Variants in ETV5 observed in about 807,000 individuals in gnomAD.
The protein encoded by ETV5 is ETS variant transcription factor 5, also known as ETS translocation variant 5.
A neutral mutation model predicts 70.0 loss-of-function variants in ETV5; 10 were observed. The observed-to-expected ratio is 0.14, with a 90% CI of 0.09 to 0.24. The LOEUF (loss-of-function observed/expected upper bound fraction) is 0.24. Ranked by LOEUF, ETV5 falls within the 10% of genes least tolerant of loss-of-function variation. The pLI is 1.00. For missense variants in ETV5, 453 were observed against 651.2 expected, an observed-to-expected ratio of 0.70 and a Z score of 3.31; for synonymous variants, 216 against 242.2, an observed-to-expected ratio of 0.89 and a Z score of 1.01.
At chr3:186,066,261 G>GGAAAAAAAAAA (rs1713440500) in intron 7 of ETV5, among the ~76,000 whole-genome samples, 189 bp from the exon 8 acceptor site, 1 of 4,554 alleles carries the variant, frequency 2.2e-4, no homozygotes, top group Non-Finnish European at 5.2e-4. Context: ...TCAGGAAGTG[G>GGAAAAAAAAAA]CAAAAAAAAA....
Position 186,051,058 on chromosome 3 carries a change from C to T in ETV5, c.1311+972G>A, listed in dbSNP as rs537667778. ...AAGCCGTCAAGTTTGAGTGAAGAAACGAGAGTTAGGTGGTGACCAGACTGG... is the reference window on the plus strand; with the variant it reads ...AAGCCGTCAAGTTTGAGTGAAGAAATGAGAGTTAGGTGGTGACCAGACTGG... On this transcript the variant is annotated intron_variant, in intron 12 of 12. Coordinates refer to ENST00000306376, the MANE Select transcript of ETV5 (RefSeq NM_004454.3). Among the ~76,000 whole-genome samples the T allele has an allele frequency of 9.2e-5, 14 of 152,290 alleles. No individual in the cohort carries two copies. In the South Asian group the frequency reaches 2.5e-3, roughly 27 times the overall value.
intron 9 of ETV5, among the ~76,000 whole-genome samples, chr3:186,061,968 C>G (rs534009504): frequency 6.6e-6 from 1 of 152,234 alleles, no homozygotes; most frequent in Non-Finnish European, 1.5e-5. Context: ...CTCACAAAAA[C>G]CGGCAGCAGA....
intron 11 of ETV5, among the ~76,000 whole-genome samples, chr3:186,055,835 AC>A (rs777006975): frequency 5.9e-5 from 9 of 152,160 alleles, no homozygotes; most frequent in Non-Finnish European, 1.0e-4. Flanking sequence ...AACACTGAAA[AC>A]AGCAATTCTC....
intron 9 of ETV5, among the ~76,000 whole-genome samples, chr3:186,058,933 A>T (rs958385996): frequency 6.6e-6 from 1 of 151,900 alleles, no homozygotes; most frequent in African/African-American, 2.4e-5. Context: ...GAATTGCTTG[A>T]ATCCAGGAGG....
rs1331248488 is a variant in ETV5 at position 186,048,644 on chromosome 3, A to C, written c.1528T>G (p.Tyr510Asp). ...SSLPYAEGFA[Y>D] is the part of the protein sequence containing the mutation. ...CCACTCCGCCACTCAGAAACTTAGTAAGCAAAGCCTTCGGCATAGGGGAGG... is the reference window on the plus strand; with the variant it reads ...CCACTCCGCCACTCAGAAACTTAGTCAGCAAAGCCTTCGGCATAGGGGAGG... Residue 510 changes from tyrosine to aspartate, a missense_variant, in exon 13 of 13, where the codon TAC (tyrosine) becomes GAC (aspartate). Physicochemically the swap from Tyr to Asp is radical, Grantham distance 160. Transcript: ENST00000306376. 4.3e-6 allele frequency: 7 copies of C among 1,613,910 alleles called. No homozygotes were observed. Among genetic ancestry groups the C allele is most frequent in the Non-Finnish European group, 5.9e-6 (7 of 1,179,926 alleles).
intron 9 of ETV5, among the ~76,000 whole-genome samples, chr3:186,061,021 C>T (rs1211905917): frequency 6.6e-6 from 1 of 152,204 alleles, no homozygotes; most frequent in African/African-American, 2.4e-5. Context: ...CAGGGCTGGA[C>T]ACTTACTCAG....
chr3:186,096,917 G>A (rs1404684055), intron 5 of ETV5, among the ~76,000 whole-genome samples: 2 of 152,054 alleles, frequency 1.3e-5, no homozygotes. Context: ...GTGGTGGCTC[G>A]AACCTGTAAT....
chr3:186,074,409 A>G (rs1261813392), intron 7 of ETV5, among the ~76,000 whole-genome samples: 2 of 152,212 alleles, frequency 1.3e-5, no homozygotes, highest in Non-Finnish European at 2.9e-5. Context: ...AGGAATAAAG[A>G]CTTCCAATTT....
At position 186,054,818 on chromosome 3, in the gene ETV5, A is replaced by G. The variant is rs896485961; in HGVS notation, c.1209+2257T>C. ...CAGGTATACAAGGAGGGGTGGGGGG[A>G]GCTCAGCAAATGTCACCTGTCCTGA... On this transcript the variant is annotated intron_variant, in intron 11 of 12. Transcript: ENST00000306376. This position sits in a 1 kb window ranked among gnomAD's most constrained non-coding sequence, Gnocchi z 4.4. Among the ~76,000 whole-genome samples, 16 of 151,804 alleles carry G rather than the reference A, an allele frequency of 1.1e-4. No individual in the cohort carries two copies. The highest frequency in any genetic ancestry group is 2.9e-4 in the African/African-American group (12 of 41,286).
At chr3:186,100,545 G>A (rs760319547) in intron 5 of ETV5, among the ~76,000 whole-genome samples, 2 of 152,200 alleles carry the variant, frequency 1.3e-5, no homozygotes, top group Non-Finnish European at 2.9e-5. Context: ...AGATCAATGT[G>A]TTTTAGGCTC....
intron 1 of ETV5, among the ~76,000 whole-genome samples, chr3:186,106,788 G>C (rs1334345347): frequency 6.6e-6 from 1 of 152,090 alleles, no homozygotes; most frequent in African/African-American, 2.4e-5. Flanking sequence ...GTGTGAGTCT[G>C]GGGAAAAAGG....
chr3:186,103,649 ACACACACACAC>A (rs1714519432), intron 5 of ETV5, among the ~76,000 whole-genome samples: 1 of 151,634 alleles, frequency 6.6e-6, no homozygotes, highest in African/African-American at 2.4e-5. Flanking sequence ...ACACACACAC[ACACACACACAC>A]ACACACACAC....
At chr3:186,064,365 G>GA in intron 9 of ETV5, 52 bp downstream of exon 9, 1 of 1,532,544 alleles carries the variant, frequency 6.5e-7, no homozygotes, top group South Asian at 1.1e-5. Flanking sequence ...AGAAAGAAAG[G>GA]AAGAAAGGAG....
chr3:186,087,125 T>G (rs948472169), intron 5 of ETV5, among the ~76,000 whole-genome samples: 1 of 152,148 alleles, frequency 6.6e-6, no homozygotes, highest in African/African-American at 2.4e-5. Context: ...TATCTATAGG[T>G]TCAGTGTAAC....
intron 5 of ETV5, among the ~76,000 whole-genome samples, chr3:186,100,986 C>G (rs1225907242): frequency 6.6e-6 from 1 of 152,134 alleles, no homozygotes; most frequent in Non-Finnish European, 1.5e-5. Flanking sequence ...CCAGTCAGTT[C>G]AGAAAAATGA....
rs190101685 is a variant in ETV5 at position 186,052,671 on chromosome 3, C to T, written c.1210-540G>A. On this transcript the variant is annotated intron_variant, in intron 11 of 12. Transcript: ENST00000306376. The surrounding 1 kb of genome is among the most constrained non-coding windows in gnomAD (Gnocchi z 4.5). ...TCAGATCATTTCAGCCTGCTGCCAT[C>T]CAATCCCATGCTCCCAGCAGACTTG... Among the ~76,000 whole-genome samples the T allele has an allele frequency of 1.0e-3, 158 of 152,306 alleles. No individual in the cohort carries two copies. The highest frequency in any genetic ancestry group is 3.7e-3 in the African/African-American group (153 of 41,564).
At chr3:186,076,110 G>C (rs144494400) in intron 7 of ETV5, among the ~76,000 whole-genome samples, 1 of 152,164 alleles carries the variant, frequency 6.6e-6, no homozygotes, top group East Asian at 1.9e-4. Flanking sequence ...GGTCTTTCAG[G>C]ATAAGTGGCA....
At chr3:186,072,652 T>C (rs1713671745) in intron 7 of ETV5, among the ~76,000 whole-genome samples, 2 of 152,194 alleles carry the variant, frequency 1.3e-5, no homozygotes, top group South Asian at 2.1e-4. Context: ...CCTGCCAACA[T>C]TGCTGAGACT....
chr3:186,060,621 C>G (rs778979163), intron 9 of ETV5, among the ~76,000 whole-genome samples: 31 of 152,176 alleles, frequency 2.0e-4, no homozygotes, highest in Non-Finnish European at 4.4e-5. Flanking sequence ...TCACAGGCAT[C>G]TGTGGTCAAG....
Sources: gnomAD v4.1 joint callset for allele counts (sites outside exome capture counted in the v4.1 genomes callset) on GRCh38, gnomAD v4.1.1 for gene constraint, Gnocchi (gnomAD v3.1) non-coding constraint, MANE v1.5 for transcripts, NCBI Gene and HGNC (gene_info 2026-07-23, HGNC 2026-07-21) for gene names.